The following CTDSPL variants were observed in gnomAD, a reference collection of about 807,000 sequenced individuals.
The protein encoded by CTDSPL is CTD small phosphatase-like protein.
CTDSPL carries 8 observed loss-of-function variants against 30.5 expected under a neutral mutation model. That is an observed-to-expected ratio of 0.26 (90% CI 0.15 to 0.47). The LOEUF (loss-of-function observed/expected upper bound fraction) is 0.47. CTDSPL is among the 20% of genes least tolerant of loss of function. CTDSPL has a pLI of 0.99. For missense variants in CTDSPL, 248 were observed against 366.1 expected (o/e 0.68, Z 2.63); for synonymous variants, 110 against 137.9 (o/e 0.80, Z 1.42).
Position 37,862,442 on chromosome 3 carries a change from G to T in CTDSPL, c.79+164G>T, listed in dbSNP as rs376944183. Among the ~76,000 whole-genome samples, 5 of 152,254 alleles carry T rather than the reference G, an allele frequency of 3.3e-5. No homozygotes were observed. The highest frequency in any genetic ancestry group is 1.2e-4 in the African/African-American group (5 of 41,574). ...GAGGAGAGCGAGGCTGCCAGAGTGC[G>T]TGTGCCGACTGAGCCAGTGTGAGTG... On this transcript the variant is annotated intron_variant, in intron 1 of 7. Transcript: ENST00000273179. The surrounding 1 kb of genome is among the most constrained non-coding windows in gnomAD (Gnocchi z 4.3).
intron 1 of CTDSPL, among the ~76,000 whole-genome samples, chr3:37,942,628 G>A (rs1355480566): frequency 6.6e-6 from 1 of 150,496 alleles, no homozygotes; most frequent in Non-Finnish European, 1.5e-5. Context: ...GGGTGACAGA[G>A]TGAGACCCTG....
chr3:37,920,828 G>C (rs925634380), intron 1 of CTDSPL, among the ~76,000 whole-genome samples: 1 of 152,192 alleles, frequency 6.6e-6, no homozygotes, highest in Non-Finnish European at 1.5e-5. Flanking sequence ...AAATGGCTTG[G>C]TCTGATTTGC....
intron 1 of CTDSPL, among the ~76,000 whole-genome samples, chr3:37,895,580 A>G (rs73056990): frequency 0.056 from 8,456 of 152,284 alleles, 293 homozygotes; most frequent in African/African-American, 0.1. Flanking sequence ...ACTGAAAAAC[A>G]TATCTAGATC....
At chr3:37,887,350 C>A (rs1156790657) in intron 1 of CTDSPL, among the ~76,000 whole-genome samples, 1 of 152,122 alleles carries the variant, frequency 6.6e-6, no homozygotes, top group Non-Finnish European at 1.5e-5. Flanking sequence ...CCCAAGTAAA[C>A]CCAATCCAAA....
chr3:37,960,460 A>G (rs1294348945), intron 3 of CTDSPL, among the ~76,000 whole-genome samples: 1 of 129,664 alleles, frequency 7.7e-6, no homozygotes, highest in Non-Finnish European at 1.6e-5. Flanking sequence ...AGCCTGGGCA[A>G]CAAGAGCAAA....
At chr3:37,927,659 T>G (rs1698797315) in intron 1 of CTDSPL, among the ~76,000 whole-genome samples, 2 of 136,868 alleles carry the variant, frequency 1.5e-5, no homozygotes, top group Admixed American at 7.3e-5. Flanking sequence ...TGTGTGTGTG[T>G]GTGTGTGTGT....
intron 1 of CTDSPL, among the ~76,000 whole-genome samples, chr3:37,905,541 T>G (rs908528545): frequency 6.6e-6 from 1 of 152,236 alleles, no homozygotes; most frequent in African/African-American, 2.4e-5. Context: ...GAGAATACTC[T>G]GTCAGTTCAC....
chr3:37,970,474 GTT>G (rs1275466755), intron 5 of CTDSPL, among the ~76,000 whole-genome samples: 1 of 152,212 alleles, frequency 6.6e-6, no homozygotes, highest in African/African-American at 2.4e-5. Flanking sequence ...ATTTTAAAGA[GTT>G]TGATTTATTT....
intron 3 of CTDSPL, among the ~76,000 whole-genome samples, chr3:37,963,481 A>G (rs1699265366): frequency 6.6e-6 from 1 of 152,212 alleles, no homozygotes; most frequent in Admixed American, 6.5e-5. Flanking sequence ...GATGAACTAA[A>G]TTGTCCATTC....
intron 1 of CTDSPL, among the ~76,000 whole-genome samples, chr3:37,940,904 G>C (rs999746778): frequency 6.6e-6 from 1 of 150,458 alleles, no homozygotes; most frequent in African/African-American, 2.4e-5. Context: ...CTGCCTAGAA[G>C]ACCAGGGAAG....
At chr3:37,904,944 C>T (rs995534120) in intron 1 of CTDSPL, among the ~76,000 whole-genome samples, 1 of 152,224 alleles carries the variant, frequency 6.6e-6, no homozygotes, top group African/African-American at 2.4e-5. Context: ...AATCACTCCT[C>T]TGGAAGCCTT....
chr3:37,920,232 T>C (rs1698698009), intron 1 of CTDSPL, among the ~76,000 whole-genome samples: 1 of 152,112 alleles, frequency 6.6e-6, no homozygotes, highest in Non-Finnish European at 1.5e-5. Flanking sequence ...GCTCAGATAC[T>C]TTGTCTTGAG....
rs77557722 is a variant in CTDSPL, at chr3:37,865,271, G to A, written c.79+2993G>A. On this transcript the variant is annotated intron_variant, in intron 1 of 7. Coordinates refer to ENST00000273179, the MANE Select transcript of CTDSPL (RefSeq NM_001008392.2). ...GGAAATTTCCTCTTACACATTAATA[G>A]GAAAATGTCCAACAGTACAGTAGAA... Among the ~76,000 whole-genome samples, 601 of 152,322 alleles carry A rather than the reference G, an allele frequency of 3.9e-3. 31 individuals are homozygous for A. The East Asian group carries it at 0.11, about 28-fold the overall frequency.
At chr3:37,944,866 A>C (rs1175310259) in intron 1 of CTDSPL, 4 of 150,530 alleles carry the variant, frequency 2.7e-5, no homozygotes, top group Non-Finnish European at 4.5e-5. Context: ...TAACTAATTT[A>C]CTGACTCCGT....
chr3:37,942,940 A>G (rs1698994366), intron 1 of CTDSPL, among the ~76,000 whole-genome samples: 1 of 150,454 alleles, frequency 6.6e-6, no homozygotes, highest in Non-Finnish European at 1.5e-5. Context: ...TGCAAAATCA[A>G]CAGCAGAGAG....
At chr3:37,869,294 C>T (rs1698046950) in intron 1 of CTDSPL, among the ~76,000 whole-genome samples, 1 of 152,034 alleles carries the variant, frequency 6.6e-6, no homozygotes, top group African/African-American at 2.4e-5. Flanking sequence ...CATTTATTAT[C>T]CTCCTTTTAG....
At chr3:37,930,106 CA>C (rs780743501) in intron 1 of CTDSPL, among the ~76,000 whole-genome samples, 1 of 103,328 alleles carries the variant, frequency 9.7e-6, no homozygotes. Flanking sequence ...GACTCCGTCT[CA>C]AAAAAAAAGA....
In CTDSPL at chr3:37,947,045, TTC is replaced by T. The variant is rs1182341126; in HGVS notation, c.80-10_80-9del. 1 of 1,611,392 alleles carries T rather than the reference TTC, an allele frequency of 6.2e-7. No homozygotes were observed. The highest frequency in any genetic ancestry group is 8.5e-7 in the Non-Finnish European group (1 of 1,178,260). ...TGCAGTTGGCCATAGTGTGCTCTGT[TTC>T]TGTTTCCAGCCTCCCAGTGCAACGT... On this transcript the variant is annotated splice_polypyrimidine_tract_variant and intron_variant, in intron 1 of 7. Transcript: ENST00000273179.
At chr3:37,970,079 C>T (rs1384150469) in intron 5 of CTDSPL, among the ~76,000 whole-genome samples, 1 of 152,304 alleles carries the variant, frequency 6.6e-6, no homozygotes, top group Admixed American at 6.5e-5. Context: ...CCTGCTGCTC[C>T]GGCTTCTCTC....
Sources: gnomAD v4.1 joint callset for allele counts (sites outside exome capture counted in the v4.1 genomes callset) on GRCh38, gnomAD v4.1.1 for gene constraint, Gnocchi (gnomAD v3.1) non-coding constraint, MANE v1.5 for transcripts, NCBI Gene and HGNC (gene_info 2026-07-23, HGNC 2026-07-21) for gene names.